BCL2L14: variants seen among roughly 807,000 people sequenced by gnomAD.
The protein encoded by BCL2L14 is BCL2 like 14, also known as apoptosis facilitator Bcl-2-like protein 14.
In BCL2L14, 27 loss-of-function variants were observed where a neutral mutation model predicts 35.3. That is an observed-to-expected ratio of 0.76 (90% CI 0.56 to 1.05). BCL2L14 has a LOEUF of 1.05. Among genes scored for constraint, BCL2L14 ranks in the 50% least tolerant of loss-of-function variants. The pLI, the probability that BCL2L14 is intolerant of heterozygous loss-of-function variation, is 0.00. For missense variants in BCL2L14, 377 were observed against 382.6 expected, an observed-to-expected ratio of 0.99 and a Z score of 0.12; for synonymous variants, 139 against 145.9, an observed-to-expected ratio of 0.95 and a Z score of 0.34.
intron 2 of BCL2L14, among the ~76,000 whole-genome samples, chr12:12,061,281 G>A (rs188450188): frequency 0.012 from 1,761 of 151,624 alleles, 42 homozygotes; most frequent in African/African-American, 0.041. Context: ...TAACCCACAA[G>A]TATAAGATAC....
upstream of BCL2L14, chr12:12,067,989 G>A: frequency 2.6e-6 from 1 of 380,614 alleles, no homozygotes. Context: ...GCTGAGTGCA[G>A]TGGTGCCATC....
Position 12,094,741 on chromosome 12 carries a change from G to C in BCL2L14, c.756G>C (p.Gln252His). The change falls in exon 5 of 6, where the codon CAG becomes CAC. Residue 252 changes from glutamine (Q) to histidine (H), a missense_variant. Gln to His is a conservative substitution (Grantham distance 24). Transcript: ENST00000308721. ...SYSVFKTITD[Q>H]VLMGVDPRGE... ...CTGTTTTCAAGACCATCACAGACCAGGTCCTAATGGGTGTGGACCCCAGGG... is the reference window on the plus strand; with the variant it reads ...CTGTTTTCAAGACCATCACAGACCACGTCCTAATGGGTGTGGACCCCAGGG... The C allele has an allele frequency of 1.9e-6, 3 of 1,614,186 alleles. No homozygotes were observed. The highest frequency in any genetic ancestry group is 2.5e-6 in the Non-Finnish European group (3 of 1,180,026).
chr12:12,056,230 C>T (rs1380960394), intron 2 of BCL2L14, among the ~76,000 whole-genome samples: 4 of 152,070 alleles, frequency 2.6e-5, no homozygotes, highest in African/African-American at 7.2e-5. Context: ...ACACCAACTG[C>T]GATAGTCCCG....
Position 12,079,659 on chromosome 12 carries a change from G to T in BCL2L14, c.354G>T (p.Arg118Ser). The change falls in exon 2 of 6, where the codon AGG (arginine) becomes AGT (serine). Residue 118 changes from arginine (R) to serine (S), a missense_variant. By Grantham distance (110) the Arg-to-Ser change is moderately radical. Coordinates refer to ENST00000308721, the MANE Select transcript of BCL2L14 (RefSeq NM_138723.2). ...TPAKVSAQGQ[R>S]TLEYQDSHSQ... The stretch of plus-strand genomic sequence containing the variant: ...CCAAGGTCTCTGCTCAGGGTCAAAG[G>T]ACGTTGGAATACCAAGATTCGCACA... 1 of 1,614,216 alleles carries T rather than the reference G, an allele frequency of 6.2e-7. No homozygotes were observed. The highest frequency in any genetic ancestry group is 8.5e-7 in the Non-Finnish European group (1 of 1,180,048).
At chr12:12,065,519 G>C (rs752862173) in intron 2 of BCL2L14, among the ~76,000 whole-genome samples, 9 of 128,834 alleles carry the variant, frequency 7.0e-5, no homozygotes, top group Non-Finnish European at 1.3e-4. Flanking sequence ...CTGGGCGACA[G>C]AGTGAGACTC....
At chr12:12,094,636 T>TA in intron 4 of BCL2L14, 28 bp from the exon 5 acceptor site, 1 of 1,614,184 alleles carries the variant, frequency 6.2e-7, no homozygotes, top group Middle Eastern at 1.6e-4. Context: ...CAAGCTACTG[T>TA]ACTGAGTGCT....
chr12:12,060,156 C>T (rs1162034220), intron 2 of BCL2L14, among the ~76,000 whole-genome samples: 1 of 151,508 alleles, frequency 6.6e-6, no homozygotes, highest in Non-Finnish European at 1.5e-5. Context: ...TATCACCTCC[C>T]CTCCTCACAC....
intron 2 of BCL2L14, among the ~76,000 whole-genome samples, chr12:12,062,316 TC>T (rs1948538184): frequency 1.5e-5 from 2 of 136,228 alleles, no homozygotes; most frequent in Admixed American, 1.5e-4. Context: ...TCACCCCATT[TC>T]CCCATATTTC....
exon 1 of BCL2L14, chr12:12,049,921 A>G (rs753888955): frequency 6.6e-6 from 1 of 152,146 alleles, no homozygotes; most frequent in South Asian, 2.1e-4. Context: ...GGCAGAACTA[A>G]CCACCTAGAA....
chr12:12,080,135 G>A (rs1288794496), intron 2 of BCL2L14, among the ~76,000 whole-genome samples: 1 of 151,862 alleles, frequency 6.6e-6, no homozygotes, highest in Non-Finnish European at 1.5e-5. Context: ...AACCCAGCAG[G>A]CGGAGCTTGC....
intron 2 of BCL2L14, among the ~76,000 whole-genome samples, chr12:12,054,009 C>T (rs1392986038): frequency 3.3e-5 from 5 of 152,162 alleles, no homozygotes; most frequent in Non-Finnish European, 4.4e-5. Context: ...GTTACCTCTC[C>T]CGGTTTAGTA....
intron 2 of BCL2L14, among the ~76,000 whole-genome samples, chr12:12,060,237 G>T (rs1166218517): frequency 6.6e-6 from 1 of 151,426 alleles, no homozygotes; most frequent in African/African-American, 2.4e-5. Flanking sequence ...TCTTGAAAAG[G>T]TGGCTGGAGC....
At chr12:12,075,193 G>A (rs1031486536) in intron 1 of BCL2L14, among the ~76,000 whole-genome samples, 3 of 151,524 alleles carry the variant, frequency 2.0e-5, no homozygotes, top group Non-Finnish European at 4.4e-5. Context: ...CGCGATCCCC[G>A]CTCACTGCAA....
intron 5 of BCL2L14, among the ~76,000 whole-genome samples, chr12:12,097,799 A>T (rs1949347304): frequency 6.6e-6 from 1 of 152,120 alleles, no homozygotes; most frequent in South Asian, 2.1e-4. Flanking sequence ...GAAAAAAAAC[A>T]GTTCCAATTA....
At chr12:12,066,860 A>T, upstream of BCL2L14, among the ~76,000 whole-genome samples, 2 of 151,464 alleles carry the variant, frequency 1.3e-5, no homozygotes, top group Non-Finnish European at 1.5e-5. Context: ...ACAGGCGCCC[A>T]CCACCATGTC....
At chr12:12,087,059 T>C (rs1266077444) in intron 2 of BCL2L14, among the ~76,000 whole-genome samples, 154 bp from the exon 3 acceptor site, 2 of 152,134 alleles carry the variant, frequency 1.3e-5, no homozygotes, top group African/African-American at 4.8e-5. Flanking sequence ...CAACTTTCAG[T>C]CCTTTCTGAA....
At chr12:12,097,151 T>TA (rs1048366541) in intron 5 of BCL2L14, among the ~76,000 whole-genome samples, 8 of 151,012 alleles carry the variant, frequency 5.3e-5, no homozygotes, top group East Asian at 2.0e-4. Context: ...TCTCAAAAAA[T>TA]AAAAAAAATT....
chr12:12,094,742 G>A lies in BCL2L14; in HGVS notation c.757G>A (p.Val253Ile), dbSNP rs1455007250. 4 of 1,614,074 alleles carry A rather than the reference G, an allele frequency of 2.5e-6. No homozygotes were observed. The highest frequency in any genetic ancestry group is 3.4e-6 in the Non-Finnish European group (4 of 1,180,030). Residue 253 changes from valine (V) to isoleucine (I), a missense_variant, in exon 5 of 6, where the codon GTC (valine) becomes ATC (isoleucine). Val to Ile is a conservative substitution (Grantham distance 29). Coordinates refer to ENST00000308721, the MANE Select transcript of BCL2L14 (RefSeq NM_138723.2). ...YSVFKTITDQ[V>I]LMGVDPRGES... ...TGTTTTCAAGACCATCACAGACCAG[G>A]TCCTAATGGGTGTGGACCCCAGGGG...
In BCL2L14 at chr12:12,079,476, C is replaced by T. The variant is rs374164865; in HGVS notation, c.171C>T (p.Gly57=). Residue 57 remains glycine (G), a synonymous_variant, in exon 2 of 6, where the codon GGC becomes GGT. Transcript: ENST00000308721. ...LLRTRSLSQR[G]LGNCSANESW... The stretch of plus-strand genomic sequence containing the variant: ...GAACAAGAAGTTTGTCCCAGAGGGG[C>T]CTGGGGAATTGTTCAGCAAATGAGT... 2 of 1,614,256 alleles carry T rather than the reference C, an allele frequency of 1.2e-6. No individual in the cohort carries two copies. The highest frequency in any genetic ancestry group is 8.5e-7 in the Non-Finnish European group (1 of 1,180,052).
Sources: allele counts gnomAD v4.1 joint callset (sites outside exome capture counted in the v4.1 genomes callset), GRCh38; gene constraint gnomAD v4.1.1; transcripts MANE v1.5; gene names NCBI Gene and HGNC (gene_info 2026-07-23, HGNC 2026-07-21).